ATG7: variants seen among roughly 807,000 people sequenced by gnomAD.
The protein encoded by ATG7 is ubiquitin-like modifier-activating enzyme ATG7.
In ATG7, 70 loss-of-function variants were observed where a neutral mutation model predicts 82.4. The observed-to-expected ratio is 0.85, with a 90% CI of 0.70 to 1.04. ATG7 has a LOEUF of 1.04. ATG7 is among the 50% of genes least tolerant of loss of function. ATG7 has a pLI of 0.00. For synonymous variants in ATG7, 287 were observed against 313.0 expected (o/e 0.92, Z 0.88); for missense variants, 792 against 864.3 (o/e 0.92, Z 1.05).
intron 20 of ATG7, among the ~76,000 whole-genome samples, chr3:11,479,715 A>G (rs2088697793): frequency 6.6e-6 from 1 of 152,224 alleles, no homozygotes; most frequent in African/African-American, 2.4e-5. Context: ...AGCTTTAGCA[A>G]AAGAAAAGGG....
At chr3:11,550,413 T>G (rs1201661566) in intron 20 of ATG7, among the ~76,000 whole-genome samples, 1 of 152,202 alleles carries the variant, frequency 6.6e-6, no homozygotes, top group African/African-American at 2.4e-5. Flanking sequence ...TTTATTTATT[T>G]CTTTGAGACA....
At chr3:11,368,059 C>T (rs2076743228) in intron 18 of ATG7, among the ~76,000 whole-genome samples, 1 of 151,704 alleles carries the variant, frequency 6.6e-6, no homozygotes, top group Admixed American at 6.6e-5. Flanking sequence ...GAGGTAAGCA[C>T]CTCTTGATTA....
chr3:11,311,565 G>A (rs7640175), intron 7 of ATG7, among the ~76,000 whole-genome samples: 30,315 of 148,962 alleles, frequency 0.2, 3,422 homozygotes, highest in South Asian at 0.36. Context: ...TCGTCGTGCC[G>A]TTGCACTCCA....
intron 19 of ATG7, among the ~76,000 whole-genome samples, chr3:11,422,574 CT>C (rs1312196434): frequency 3.9e-5 from 6 of 152,082 alleles, no homozygotes; most frequent in Non-Finnish European, 7.4e-5. Flanking sequence ...TTCTCTGTAG[CT>C]CTTTTACTTT....
chr3:11,424,538 A>G (rs1005570146), intron 19 of ATG7, among the ~76,000 whole-genome samples: 2 of 151,830 alleles, frequency 1.3e-5, no homozygotes, highest in Non-Finnish European at 2.9e-5. Context: ...ACCCTTTAAC[A>G]GAGAGCTGAT....
At chr3:11,443,639 A>C (rs1331849820) in intron 20 of ATG7, among the ~76,000 whole-genome samples, 1 of 152,172 alleles carries the variant, frequency 6.6e-6, no homozygotes, top group Non-Finnish European at 1.5e-5. Context: ...CACCTGCCTC[A>C]GCCTCCCAAA....
At chr3:11,471,641 T>C (rs887058943) in intron 20 of ATG7, among the ~76,000 whole-genome samples, 1 of 150,820 alleles carries the variant, frequency 6.6e-6, no homozygotes, top group Non-Finnish European at 1.5e-5. Flanking sequence ...GGTCAAATGG[T>C]ATAAGAAATG....
chr3:11,558,164 C>T (rs757520878), downstream of ATG7: 11 of 257,998 alleles, frequency 4.3e-5, no homozygotes, highest in Middle Eastern at 1.4e-3. Flanking sequence ...CCACACACAC[C>T]CCGGTCTCAA....
At chr3:11,275,540 A>AT (rs1941579768) in intron 1 of ATG7, among the ~76,000 whole-genome samples, 1 of 68,242 alleles carries the variant, frequency 1.5e-5, no homozygotes, top group Non-Finnish European at 2.6e-5. Context: ...TTTTTTTTTT[A>AT]GTAGAGATGG....
chr3:11,352,421 C>T lies in ATG7; in HGVS notation c.1284+4386C>T, dbSNP rs1012060815. Among the ~76,000 whole-genome samples the T allele has an allele frequency of 4.6e-5, 7 of 152,160 alleles. No homozygotes were observed. In the South Asian group the frequency reaches 6.2e-4, roughly 14 times the overall value. Reference sequence around the variant, plus strand: ...TTCTAGTTCTAGATCCTTGAGTAATCGCCACACTGTCTTGCACAATGGTTA... The same window carrying T: ...TTCTAGTTCTAGATCCTTGAGTAATTGCCACACTGTCTTGCACAATGGTTA... On this transcript the variant is annotated intron_variant, in intron 14 of 20. Transcript: ENST00000693202.
At chr3:11,392,314 G>T (rs1312681919) in intron 19 of ATG7, among the ~76,000 whole-genome samples, 1 of 152,028 alleles carries the variant, frequency 6.6e-6, no homozygotes, top group Non-Finnish European at 1.5e-5. Context: ...CCAAGACAGT[G>T]CTGTTTTGAA....
At chr3:11,469,472 A>G (rs959875865) in intron 20 of ATG7, among the ~76,000 whole-genome samples, 2 of 152,030 alleles carry the variant, frequency 1.3e-5, no homozygotes, top group African/African-American at 2.4e-5. Flanking sequence ...GTAAAATAAA[A>G]TCATGCCACC....
chr3:11,369,672 C>T (rs2076865004), intron 18 of ATG7, among the ~76,000 whole-genome samples: 1 of 151,160 alleles, frequency 6.6e-6, no homozygotes, highest in African/African-American at 2.4e-5. Flanking sequence ...TGTGAGGTCC[C>T]AGAAGAAGAG....
intron 18 of ATG7, among the ~76,000 whole-genome samples, chr3:11,371,505 C>T (rs879371813): frequency 1.3e-5 from 2 of 150,902 alleles, no homozygotes; most frequent in East Asian, 1.9e-4. Context: ...GGAGGTGATA[C>T]GAGTGGCTCT....
intron 18 of ATG7, among the ~76,000 whole-genome samples, chr3:11,371,690 C>T (rs2152830816): frequency 6.6e-6 from 1 of 151,372 alleles, no homozygotes; most frequent in South Asian, 2.1e-4. Context: ...TTGAGAACCA[C>T]TGCTTCTGTC....
At chr3:11,343,190 A>C (rs1405721422) in intron 13 of ATG7, among the ~76,000 whole-genome samples, 2 of 152,140 alleles carry the variant, frequency 1.3e-5, no homozygotes, top group African/African-American at 4.8e-5. Flanking sequence ...TGGCCTCCCA[A>C]AGTGCTGGGT....
chr3:11,516,893 G>T (rs543831513), intron 20 of ATG7, among the ~76,000 whole-genome samples: 1 of 152,082 alleles, frequency 6.6e-6, no homozygotes, highest in East Asian at 1.9e-4. Flanking sequence ...CAACACCCTG[G>T]CCAACATGAT....
intron 19 of ATG7, among the ~76,000 whole-genome samples, chr3:11,412,371 T>G (rs1230689695): frequency 6.6e-6 from 1 of 152,090 alleles, no homozygotes; most frequent in Non-Finnish European, 1.5e-5. Context: ...ATTTCCATGT[T>G]TATCCAAAAA....
At chr3:11,293,626 T>C (rs891351491) in intron 3 of ATG7, among the ~76,000 whole-genome samples, 1 of 151,042 alleles carries the variant, frequency 6.6e-6, no homozygotes. Flanking sequence ...GGCAGGCGGA[T>C]CACTTGAGGT....
Sources: allele counts gnomAD v4.1 joint callset (sites outside exome capture counted in the v4.1 genomes callset), GRCh38; gene constraint gnomAD v4.1.1; transcripts MANE v1.5; gene names NCBI Gene and HGNC (gene_info 2026-07-23, HGNC 2026-07-21).